CLIC4: variants seen among roughly 807,000 people sequenced by gnomAD.
The protein encoded by CLIC4 is chloride intracellular channel protein 4.
CLIC4 carries 13 observed loss-of-function variants against 24.6 expected under a neutral mutation model. The observed-to-expected ratio is 0.53, with a 90% CI of 0.34 to 0.84. CLIC4 has a LOEUF of 0.84. CLIC4 is among the 40% of genes least tolerant of loss of function. The pLI is 0.01. For synonymous variants in CLIC4, 104 were observed against 111.3 expected (o/e 0.93, Z 0.41); for missense variants, 227 against 301.7 (o/e 0.75, Z 1.83).
At chr1:24,788,464 A>G (rs1029219856) in intron 1 of CLIC4, among the ~76,000 whole-genome samples, 7 of 152,156 alleles carry the variant, frequency 4.6e-5, no homozygotes, top group African/African-American at 1.4e-4. Context: ...GTCCCCTGGA[A>G]TCCACGGGGG....
At chr1:24,807,183 T>G (rs941064010) in intron 2 of CLIC4, among the ~76,000 whole-genome samples, 2 of 151,744 alleles carry the variant, frequency 1.3e-5, no homozygotes, top group Non-Finnish European at 2.9e-5. Flanking sequence ...TCTTTCTGTT[T>G]AGAGAGCTTA....
intron 4 of CLIC4, among the ~76,000 whole-genome samples, chr1:24,827,585 T>C (rs867337269): frequency 1.3e-5 from 2 of 151,500 alleles, no homozygotes; most frequent in Middle Eastern, 3.2e-3. Flanking sequence ...TTTGTTGTTG[T>C]TGTTTTTGCT....
intron 1 of CLIC4, chr1:24,771,731 C>A: frequency 8.1e-6 from 3 of 369,686 alleles, no homozygotes; most frequent in Non-Finnish European, 1.1e-5. Flanking sequence ...AGTTATTGAA[C>A]TTGAGACATG....
chr1:24,802,153 A>G (rs1247889223), intron 2 of CLIC4, among the ~76,000 whole-genome samples: 1 of 152,228 alleles, frequency 6.6e-6, no homozygotes, highest in Non-Finnish European at 1.5e-5. Context: ...GAATAGTTTA[A>G]TACAGTGCTT....
chr1:24,772,286 A>G (rs1411858710), intron 1 of CLIC4, among the ~76,000 whole-genome samples: 1 of 151,994 alleles, frequency 6.6e-6, no homozygotes, highest in Non-Finnish European at 1.5e-5. Flanking sequence ...AATTTATAGA[A>G]TTTTCCTTCA....
In CLIC4 at chr1:24,799,647, T is replaced by G. The variant is rs867889975; in HGVS notation, c.182+1796T>G. Among the ~76,000 whole-genome samples the G allele has an allele frequency of 2.9e-3, 149 of 51,118 alleles. 1 individual carries two copies. The highest frequency in any genetic ancestry group is 8.1e-3 in the African/African-American group (95 of 11,740). 33.5% of individuals were successfully genotyped at this position (51,118 alleles called of 152,430 possible). A position where few individuals can be genotyped will look rare whatever the true frequency, so the allele number is the denominator to read the frequency against. On this transcript the variant is annotated intron_variant, in intron 2 of 5. Coordinates refer to ENST00000374379, the MANE Select transcript of CLIC4 (RefSeq NM_013943.3). ...CCAGCCGCCCCGTCGGGGAGGGAGGTGGGGGGGGTCAGCCCCCCCGCCCGG... is the reference window on the plus strand; with the variant it reads ...CCAGCCGCCCCGTCGGGGAGGGAGGGGGGGGGGGTCAGCCCCCCCGCCCGG...
At chr1:24,815,791 T>A (rs115728609) in intron 3 of CLIC4, among the ~76,000 whole-genome samples, 61 of 152,292 alleles carry the variant, frequency 4.0e-4, no homozygotes, top group African/African-American at 1.3e-3. Context: ...TCTCAAGAGG[T>A]CCTGAGAACA....
At chr1:24,826,635 A>G (rs1386284054) in intron 3 of CLIC4, among the ~76,000 whole-genome samples, 1 of 152,240 alleles carries the variant, frequency 6.6e-6, no homozygotes, top group Non-Finnish European at 1.5e-5. Context: ...ATGAAGATAG[A>G]GAACATTTCC....
intron 1 of CLIC4, among the ~76,000 whole-genome samples, chr1:24,749,513 A>G (rs1313074211): frequency 6.6e-6 from 1 of 152,182 alleles, no homozygotes; most frequent in Non-Finnish European, 1.5e-5. Flanking sequence ...TCACAGCTGC[A>G]TTTCCTTCCT....
chr1:24,827,117 G>A lies in CLIC4; in HGVS notation c.415+1G>A. On this transcript the variant is annotated splice_donor_variant, in intron 4 of 5. Transcript: ENST00000374379. LOFTEE classifies it high-confidence loss of function. ...AATTCAAGGCCAGAGGCTAATGAAG[G>A]TAAAAAACAAAAACTTGAATTAACA... is the stretch of plus-strand genomic sequence containing the variant. The A allele has an allele frequency of 6.3e-7, 1 of 1,584,076 alleles. No individual in the cohort carries two copies. Among genetic ancestry groups the A allele is most frequent in the Non-Finnish European group, 8.6e-7 (1 of 1,166,672 alleles).
chr1:24,809,217 C>T (rs1191432504), intron 2 of CLIC4, among the ~76,000 whole-genome samples: 1 of 152,026 alleles, frequency 6.6e-6, no homozygotes, highest in African/African-American at 2.4e-5. Context: ...GTTTAGGAAG[C>T]AAGATAGGCT....
chr1:24,836,694 C>T (rs1393896373), intron 4 of CLIC4, among the ~76,000 whole-genome samples: 3 of 152,034 alleles, frequency 2.0e-5, no homozygotes, highest in Non-Finnish European at 2.9e-5. Context: ...AAAAATTTGA[C>T]AGGTGCAGTG....
At chr1:24,755,391 A>G (rs1489482504) in intron 1 of CLIC4, among the ~76,000 whole-genome samples, 2 of 151,246 alleles carry the variant, frequency 1.3e-5, no homozygotes, top group South Asian at 2.1e-4. Flanking sequence ...GTGAGCTAAG[A>G]TCACACCACT....
chr1:24,772,982 A>T (rs901699897), intron 1 of CLIC4, among the ~76,000 whole-genome samples: 1 of 152,144 alleles, frequency 6.6e-6, no homozygotes, highest in Non-Finnish European at 1.5e-5. Flanking sequence ...TTAGTCATTT[A>T]GAGGTCTGAA....
intron 5 of CLIC4, among the ~76,000 whole-genome samples, chr1:24,840,439 C>T (rs545995915): frequency 6.6e-6 from 1 of 152,050 alleles, no homozygotes; most frequent in Non-Finnish European, 1.5e-5. Context: ...TAATAATAAG[C>T]GCTAGTTGTA....
At chr1:24,760,572 T>C (rs1638914849) in intron 1 of CLIC4, among the ~76,000 whole-genome samples, 1 of 152,108 alleles carries the variant, frequency 6.6e-6, no homozygotes, top group African/African-American at 2.4e-5. Flanking sequence ...GGAAGACTTT[T>C]GCTGATATTT....
At chr1:24,797,962 G>A (rs1639423419) in intron 2 of CLIC4, 111 bp downstream of exon 2, 1 of 753,324 alleles carries the variant, frequency 1.3e-6, no homozygotes, top group African/African-American at 1.8e-5. Context: ...TTGTATTAAA[G>A]TTCTGCTGGT....
In CLIC4 at chr1:24,820,707, AATT is replaced by A. The variant is rs1442921672; in HGVS notation, c.309-6296_309-6294del. On this transcript the variant is annotated intron_variant, in intron 3 of 5. Transcript: ENST00000374379. ...AAATTATAAATGGAGAAGTAGTTTGAATTATTATTCATTCTCTATGAAGGAAAC... is the reference window on the plus strand; with the variant it reads ...AAATTATAAATGGAGAAGTAGTTTGAATTATTCATTCTCTATGAAGGAAAC... Among the ~76,000 whole-genome samples the A allele has an allele frequency of 8.7e-5, 8 of 91,548 alleles. No individual in the cohort carries two copies. The South Asian group carries it at 1.8e-3, about 20-fold the overall frequency. 60.1% of individuals were successfully genotyped at this position (91,548 alleles called of 152,430 possible).
At chr1:24,766,654 C>G (rs1639002707) in intron 1 of CLIC4, among the ~76,000 whole-genome samples, 2 of 151,332 alleles carry the variant, frequency 1.3e-5, no homozygotes, top group Admixed American at 6.6e-5. Flanking sequence ...CAGACATGTG[C>G]CACTGCAACT....
Sources: allele counts gnomAD v4.1 joint callset (sites outside exome capture counted in the v4.1 genomes callset), GRCh38; gene constraint gnomAD v4.1.1; transcripts MANE v1.5; gene names NCBI Gene and HGNC (gene_info 2026-07-23, HGNC 2026-07-21).